Variants in HFE observed in about 807,000 individuals in gnomAD.
HFE encodes homeostatic iron regulator.
A neutral mutation model predicts 40.9 loss-of-function variants in HFE; 36 were observed. The observed-to-expected ratio is 0.88, with a 90% confidence interval of 0.67 to 1.16. The LOEUF is 1.16. Ranked by LOEUF, HFE falls within the 50% of genes most tolerant of loss-of-function variation. The pLI, the probability that HFE is intolerant of heterozygous loss-of-function variation, is 0.00. For missense variants in HFE, 376 were observed against 432.0 expected (o/e 0.87, Z 1.15); for synonymous variants, 157 against 165.4 (o/e 0.95, Z 0.39).
chr6:26,093,407 T>C (rs985825730), intron 5 of HFE, among the ~76,000 whole-genome samples, 175 bp downstream of exon 5: 2 of 152,146 alleles, frequency 1.3e-5, no homozygotes, highest in African/African-American at 4.8e-5. Flanking sequence ...TGAAAGTCTC[T>C]AATTCAACAA....
rs1282229593 is a variant in HFE at position 26,096,542 on chromosome 6, T to G, written c.*2316T>G. 1 of 456,498 alleles carries G rather than the reference T, an allele frequency of 2.2e-6. No homozygotes were observed. Among genetic ancestry groups the G allele is most frequent in the Non-Finnish European group, 4.4e-6 (1 of 226,810 alleles). The allele number at this position is 456,498 out of a possible 1,614,324, so 28.3% of individuals were successfully genotyped here. A position where few individuals can be genotyped will look rare whatever the true frequency, so the allele number is the denominator to read the frequency against. ...CAAGCATTCTGTCTTGAAGGGCAGG[T>G]GCTTCAGGATACCATATACAGCTCA... On this transcript the variant is annotated 3_prime_UTR_variant, in exon 6 of 6. Transcript: ENST00000357618.
intron 3 of HFE, among the ~76,000 whole-genome samples, chr6:26,091,945 G>A (rs912217172): frequency 2.0e-5 from 3 of 152,046 alleles, no homozygotes; most frequent in African/African-American, 4.8e-5. Flanking sequence ...TTGGGAGGCC[G>A]AGGCGGGTGG....
At chr6:26,090,647 C>T (rs1221398400) in intron 1 of HFE, among the ~76,000 whole-genome samples, 194 bp from the exon 2 acceptor site, 2 of 151,914 alleles carry the variant, frequency 1.3e-5, no homozygotes, top group East Asian at 1.9e-4. Context: ...GTGGCAGCCA[C>T]GTGTGGCAGA....
chr6:26,092,532 A>G (rs1179622205), intron 3 of HFE, 153 bp from the exon 4 acceptor site: 2 of 1,365,976 alleles, frequency 1.5e-6, no homozygotes, highest in Non-Finnish European at 2.0e-6. Context: ...TTAGAGTCCA[A>G]TCTTAGGACA....
In HFE at chr6:26,097,818, G is replaced by T. The variant is rs996543011; in HGVS notation, c.*3592G>T. ...TATAATAATGTCATCTTATAATACTGTCAGTATTTTATAAAACATTCTTCA... is the reference window on the plus strand; with the variant it reads ...TATAATAATGTCATCTTATAATACTTTCAGTATTTTATAAAACATTCTTCA... On this transcript the variant is annotated 3_prime_UTR_variant, in exon 6 of 6. Coordinates refer to ENST00000357618, the MANE Select transcript of HFE (RefSeq NM_000410.4). The T allele has an allele frequency of 3.9e-5, 6 of 152,168 alleles. No individual in the cohort carries two copies. The highest frequency in any genetic ancestry group is 1.2e-4 in the African/African-American group (5 of 41,428). The allele number at this position is 152,168 out of a possible 1,614,324, so 9.4% of individuals were successfully genotyped here.
chr6:26,089,637 G>A (rs1200334775), intron 1 of HFE, among the ~76,000 whole-genome samples: 1 of 152,248 alleles, frequency 6.6e-6, no homozygotes, highest in East Asian at 1.9e-4. Context: ...ATTCTATGTT[G>A]TGTGAGAGAA....
At position 26,090,976 on chromosome 6, in the gene HFE, G is replaced by A. The variant is rs776741897; in HGVS notation, c.212G>A (p.Arg71Gln). 38 of 1,614,040 alleles carry A rather than the reference G, an allele frequency of 2.4e-5. No individual in the cohort carries two copies. In the Middle Eastern group the frequency reaches 4.9e-4, roughly 21 times the overall value. The change falls in exon 2 of 6, where the codon CGA becomes CAA. Residue 71 changes from arginine to glutamine, a missense_variant. Arg to Gln is a conservative substitution (Grantham distance 43, BLOSUM62 1). Coordinates refer to ENST00000357618, the MANE Select transcript of HFE (RefSeq NM_000410.4). Reference protein sequence around the residue: ...YDHESRRVEPRTPWVSSRISS... With the variant: ...YDHESRRVEPQTPWVSSRISS... ...CATGAGAGTCGCCGTGTGGAGCCCC[G>A]AACTCCATGGGTTTCCAGTAGAATT...
At chr6:26,091,161 T>C in intron 2 of HFE, 57 bp downstream of exon 2, 1 of 1,610,898 alleles carries the variant, frequency 6.2e-7, no homozygotes, top group Non-Finnish European at 8.5e-7. Flanking sequence ...CATCTTTTCA[T>C]GCATCTTGAA....
chr6:26,096,539 A>C lies in HFE; in HGVS notation c.*2313A>C, dbSNP rs1363779769. 2.2e-6 allele frequency: 1 copy of C among 456,506 alleles called. No homozygotes were observed. The highest frequency in any genetic ancestry group is 1.5e-5 in the South Asian group (1 of 64,562). 28.3% of individuals were successfully genotyped at this position (456,506 alleles called of 1,614,324 possible). On this transcript the variant is annotated 3_prime_UTR_variant, in exon 6 of 6. Coordinates refer to ENST00000357618, the MANE Select transcript of HFE (RefSeq NM_000410.4). ...GTACAAGCATTCTGTCTTGAAGGGC[A>C]GGTGCTTCAGGATACCATATACAGC...
In HFE at chr6:26,092,692, T is replaced by G. The variant is rs1762806132; in HGVS notation, c.624T>G (p.Pro208=). Residue 208 remains proline, a synonymous_variant, in exon 4 of 6, where the codon CCT becomes CCG. Coordinates refer to ENST00000357618, the MANE Select transcript of HFE (RefSeq NM_000410.4). The stretch of plus-strand genomic sequence containing the variant: ...TTCCTCTTTCCTGTCAAGTGCCTCC[T>G]TTGGTGAAGGTGACACATCATGTGA... ...GRGVLDQQVP[P]LVKVTHHVTS... 1 of 1,614,066 alleles carries G rather than the reference T, an allele frequency of 6.2e-7. No individual in the cohort carries two copies. Among genetic ancestry groups the G allele is most frequent in the African/African-American group, 1.3e-5 (1 of 74,922 alleles).
Position 26,091,113 on chromosome 6 carries a change from A to G in HFE, c.340+9A>G. 1 of 1,613,930 alleles carries G rather than the reference A, an allele frequency of 6.2e-7. No individual in the cohort carries two copies. The highest frequency in any genetic ancestry group is 8.5e-7 in the Non-Finnish European group (1 of 1,179,802). ...TCACAACCACAGCAAGGGTATGTGGAGAGGGGGCCTCACCTTCCTGAGGTT... is the reference window on the plus strand; with the variant it reads ...TCACAACCACAGCAAGGGTATGTGGGGAGGGGGCCTCACCTTCCTGAGGTT... On this transcript the variant is annotated intron_variant, in intron 2 of 5. Transcript: ENST00000357618.
intron 1 of HFE, 42 bp from the exon 2 acceptor site, chr6:26,090,799 C>T (rs1320049558): frequency 1.9e-6 from 3 of 1,608,070 alleles, no homozygotes; most frequent in Non-Finnish European, 2.6e-6. Flanking sequence ...ATCCTGCTCC[C>T]CTCCTACTAC....
In HFE at chr6:26,094,554, G is replaced by A; in HGVS notation, c.*328G>A. On this transcript the variant is annotated 3_prime_UTR_variant, in exon 6 of 6. Coordinates refer to ENST00000357618, the MANE Select transcript of HFE (RefSeq NM_000410.4). ...TATGTCATTTCATTTCCTATTTTTGGAAGAGGACTCCTTAAATTTGGGGGA... is the reference window on the plus strand; with the variant it reads ...TATGTCATTTCATTTCCTATTTTTGAAAGAGGACTCCTTAAATTTGGGGGA... 1 of 670,628 alleles carries A rather than the reference G, an allele frequency of 1.5e-6. No individual in the cohort carries two copies. Among genetic ancestry groups the A allele is most frequent in the Non-Finnish European group, 2.7e-6 (1 of 370,928 alleles). 41.5% of individuals were successfully genotyped at this position (670,628 alleles called of 1,614,324 possible). A position where few individuals can be genotyped will look rare whatever the true frequency, so the allele number is the denominator to read the frequency against.
At chr6:26,094,126 A>C in intron 5 of HFE, 60 bp from the exon 6 acceptor site, 1 of 1,495,438 alleles carries the variant, frequency 6.7e-7, no homozygotes, top group Non-Finnish European at 9.3e-7. Flanking sequence ...AGGAAGAGAG[A>C]AGAGGCAAGA....
chr6:26,091,957 CA>C (rs1762739556), intron 3 of HFE, among the ~76,000 whole-genome samples: 1 of 151,856 alleles, frequency 6.6e-6, no homozygotes, highest in South Asian at 2.1e-4. Flanking sequence ...GGCGGGTGGT[CA>C]CAAGGTCAGG....
At chr6:26,090,722 C>T (rs1762634565) in intron 1 of HFE, 119 bp from the exon 2 acceptor site, 2 of 1,057,100 alleles carry the variant, frequency 1.9e-6, no homozygotes, top group East Asian at 2.4e-5. Context: ...CTGCAACTCA[C>T]CCTTCACAAA....
At position 26,097,284 on chromosome 6, in the gene HFE, AT is replaced by A. The variant is rs1324784442; in HGVS notation, c.*3065del. ...AAACATCAGCAACTGTGGCCTGTTAATTTTTTTAATAGAAATTTTAAGTCCT... is the reference window on the plus strand; with the variant it reads ...AAACATCAGCAACTGTGGCCTGTTAATTTTTTAATAGAAATTTTAAGTCCT... On this transcript the variant is annotated 3_prime_UTR_variant, in exon 6 of 6. Coordinates refer to ENST00000357618, the MANE Select transcript of HFE (RefSeq NM_000410.4). The A allele has an allele frequency of 2.0e-5, 3 of 152,268 alleles. No homozygotes were observed. The highest frequency in any genetic ancestry group is 2.9e-5 in the Non-Finnish European group (2 of 68,018). 9.4% of individuals were successfully genotyped at this position (152,268 alleles called of 1,614,324 possible).
intron 3 of HFE, 87 bp from the exon 4 acceptor site, chr6:26,092,598 C>T: frequency 6.2e-7 from 1 of 1,612,294 alleles, no homozygotes; most frequent in South Asian, 1.1e-5. Flanking sequence ...TTTCCTTCCT[C>T]CAACCTATAG....
intron 1 of HFE, 152 bp downstream of exon 1, chr6:26,087,668 C>A (rs1266063683): frequency 1.5e-6 from 1 of 668,018 alleles, no homozygotes; most frequent in Non-Finnish European, 2.6e-6. Context: ...GTCCAGACCC[C>A]GTGAGGGAGT....
Sources: gnomAD v4.1 joint callset for allele counts (sites outside exome capture counted in the v4.1 genomes callset) on GRCh38, gnomAD v4.1.1 for gene constraint, MANE v1.5 for transcripts, NCBI Gene and HGNC (gene_info 2026-07-23, HGNC 2026-07-21) for gene names.